Variants in RWDD2B observed in about 807,000 individuals in gnomAD.
RWDD2B encodes the protein RWD domain-containing protein 2B.
In RWDD2B, 36 loss-of-function variants were observed where a neutral mutation model predicts 33.6. That is an observed-to-expected ratio of 1.07 (90% confidence interval 0.82 to 1.42). RWDD2B has a LOEUF of 1.42. Ranked by LOEUF, RWDD2B falls within the 40% of genes most tolerant of loss-of-function variation. The pLI is 0.00. For missense variants in RWDD2B, 364 were observed against 377.5 expected, an observed-to-expected ratio of 0.96 and a Z score of 0.30; for synonymous variants, 126 against 133.1, an observed-to-expected ratio of 0.95 and a Z score of 0.37.
At chr21:29,011,906 C>A (rs8128005) in intron 1 of RWDD2B, among the ~76,000 whole-genome samples, 8,611 of 93,682 alleles carry the variant, frequency 0.092, 1,337 homozygotes, top group African/African-American at 0.2. Flanking sequence ...GGGTCAGCCC[C>A]CCGCCTGGCC....
intron 1 of RWDD2B, among the ~76,000 whole-genome samples, chr21:29,011,589 G>T (rs1326189800): frequency 2.1e-4 from 29 of 136,678 alleles, no homozygotes; most frequent in Middle Eastern, 4.0e-3. Context: ...GAGGGAGGTG[G>T]GGGGGGTCAG....
intron 1 of RWDD2B, among the ~76,000 whole-genome samples, chr21:29,013,862 G>A (rs1289013672): frequency 6.6e-6 from 1 of 151,970 alleles, no homozygotes; most frequent in Non-Finnish European, 1.5e-5. Context: ...CTTAAGGTTT[G>A]GTTGAGGACA....
intron 1 of RWDD2B, among the ~76,000 whole-genome samples, chr21:29,017,389 A>G (rs1349673942): frequency 6.6e-6 from 1 of 151,876 alleles, no homozygotes; most frequent in East Asian, 2.0e-4. Context: ...AGGTGGGCGG[A>G]TCACCTAAGG....
In RWDD2B at chr21:29,007,272, A is replaced by G. The variant is rs140403385; in HGVS notation, c.725+489T>C. Among the ~76,000 whole-genome samples the G allele has an allele frequency of 5.9e-5, 9 of 152,358 alleles. No individual in the cohort carries two copies. In the East Asian group the frequency reaches 1.7e-3, roughly 29 times the overall value. ...AGTGCATATTTACAGAATGTCTCCT[A>G]CATGCACTTGTCAGGTGACGGGGAA... On this transcript the variant is annotated intron_variant, in intron 4 of 4. Coordinates refer to ENST00000493196, the MANE Select transcript of RWDD2B (RefSeq NM_016940.3).
intron 1 of RWDD2B, among the ~76,000 whole-genome samples, chr21:29,015,712 G>A (rs917680570): frequency 1.3e-5 from 2 of 152,002 alleles, no homozygotes; most frequent in Admixed American, 6.6e-5. Flanking sequence ...TGTATTTTTA[G>A]TAGAGAAAGG....
At chr21:29,013,120 C>T (rs528556581) in intron 1 of RWDD2B, among the ~76,000 whole-genome samples, 60 of 149,808 alleles carry the variant, frequency 4.0e-4, no homozygotes, top group Non-Finnish European at 7.5e-4. Flanking sequence ...GATTATAGCT[C>T]GTTGCAGCCT....
At chr21:29,010,282 CTTCTT>C (rs1249949309) in intron 1 of RWDD2B, among the ~76,000 whole-genome samples, 1 of 151,956 alleles carries the variant, frequency 6.6e-6, no homozygotes, top group Non-Finnish European at 1.5e-5. Flanking sequence ...CAGTCCCCTG[CTTCTT>C]TTCTTTAAAA....
chr21:29,019,329 G>A lies in RWDD2B; in HGVS notation c.-52C>T, dbSNP rs1405175762. 7.7e-6 allele frequency: 10 copies of A among 1,302,154 alleles called. 1 individual carries two copies. The highest frequency in any genetic ancestry group is 1.6e-5 in the African/African-American group (1 of 62,486). The allele number at this position is 1,302,154 out of a possible 1,614,324, so 80.7% of individuals were successfully genotyped here. A position where few individuals can be genotyped will look rare whatever the true frequency, so the allele number is the denominator to read the frequency against. On this transcript the variant is annotated 5_prime_UTR_variant, in exon 1 of 5. Transcript: ENST00000493196. ...TACTGCGACCCAAAACTTACAAACC[G>A]CCTCAGCTGGCGACCTACCGGAAAA... is the stretch of plus-strand genomic sequence containing the variant.
In RWDD2B at chr21:29,006,327, T is replaced by A. The variant is rs1478853773; in HGVS notation, c.*90A>T. ...ACTCCCCAACATTCTAGAATGGAAC[T>A]AAAATAAAATTACTTAATCTTTCAA... On this transcript the variant is annotated 3_prime_UTR_variant, in exon 5 of 5. Transcript: ENST00000493196. 3.7e-6 allele frequency: 3 copies of A among 814,030 alleles called. No homozygotes were observed. The highest frequency in any genetic ancestry group is 5.8e-6 in the Non-Finnish European group (3 of 519,700). The allele number at this position is 814,030 out of a possible 1,614,324, so 50.4% of individuals were successfully genotyped here.
In RWDD2B at chr21:29,008,291, G is replaced by A. The variant is rs2084839302; in HGVS notation, c.311C>T (p.Ala104Val). ...CGGGTATTTAAAGGGAAGAATACAG[G>A]CCAGAGAAAACATCGCCTGATTAAA... Reference protein sequence around the residue: ...SDEKMAMFSLACILPFKYPAV... With the variant: ...SDEKMAMFSLVCILPFKYPAV... Residue 104 changes from alanine to valine, a missense_variant, in exon 3 of 5, where the codon GCC (alanine) becomes GTC (valine). Transcript: ENST00000493196. 4 of 1,614,146 alleles carry A rather than the reference G, an allele frequency of 2.5e-6. No individual in the cohort carries two copies. Among genetic ancestry groups the A allele is most frequent in the Non-Finnish European group, 3.4e-6 (4 of 1,179,990 alleles).
At position 29,019,314 on chromosome 21, in the gene RWDD2B, C is replaced by T; in HGVS notation, c.-37G>A. On this transcript the variant is annotated 5_prime_UTR_variant, in exon 1 of 5. Transcript: ENST00000493196. The stretch of plus-strand genomic sequence containing the variant: ...CTCAAAATTCTAGCATACTGCGACC[C>T]AAAACTTACAAACCGCCTCAGCTGG... 1 of 1,480,790 alleles carries T rather than the reference C, an allele frequency of 6.8e-7. No homozygotes were observed. Among genetic ancestry groups the T allele is most frequent in the African/African-American group, 1.4e-5 (1 of 71,998 alleles). The allele number at this position is 1,480,790 out of a possible 1,614,324, so 91.7% of individuals were successfully genotyped here.
At chr21:29,016,295 G>A (rs774561534) in intron 1 of RWDD2B, among the ~76,000 whole-genome samples, 14 of 150,796 alleles carry the variant, frequency 9.3e-5, no homozygotes, top group Non-Finnish European at 1.8e-4. Flanking sequence ...ACGGAGTTTC[G>A]CTCTTGTTGC....
At chr21:29,018,628 G>A (rs997076784) in intron 1 of RWDD2B, among the ~76,000 whole-genome samples, 7 of 152,178 alleles carry the variant, frequency 4.6e-5, no homozygotes, top group Non-Finnish European at 5.9e-5. Flanking sequence ...TTTCGCTTAA[G>A]AGATTTCAGT....
At chr21:29,015,276 G>C (rs144340025) in intron 1 of RWDD2B, among the ~76,000 whole-genome samples, 4,967 of 130,190 alleles carry the variant, frequency 0.038, 111 homozygotes, top group Middle Eastern at 0.13. Context: ...TGTCACCCAG[G>C]CTGGAGTACA....
chr21:29,012,179 C>CA (rs1555851474), intron 1 of RWDD2B, among the ~76,000 whole-genome samples: 9 of 146,306 alleles, frequency 6.2e-5, no homozygotes, highest in African/African-American at 2.1e-4. Context: ...GGTGGTCAGC[C>CA]CCCCCCCGGG....
In RWDD2B at chr21:29,006,635, A is replaced by G; in HGVS notation, c.742T>C (p.Trp248Arg). ...CGATGGCGAATTAAAATTCTCTTCC[A>G]GTTTAATTTTCTGAGTCTGAAAAGA... ...EFWSRLRKLN[W>R]KRILIRHRED... Residue 248 changes from tryptophan (W) to arginine (R), a missense_variant, in exon 5 of 5, where the codon TGG becomes CGG. Transcript: ENST00000493196. The G allele has an allele frequency of 6.2e-7, 1 of 1,602,538 alleles. No homozygotes were observed. The highest frequency in any genetic ancestry group is 8.5e-7 in the Non-Finnish European group (1 of 1,173,534).
chr21:29,013,158 T>C (rs746324678), intron 1 of RWDD2B, among the ~76,000 whole-genome samples: 3 of 151,822 alleles, frequency 2.0e-5, no homozygotes, highest in Admixed American at 2.0e-4. Flanking sequence ...GCAATCCTCC[T>C]GTCTCAGCCT....
Position 29,008,418 on chromosome 21 carries a change from G to A in RWDD2B, c.271C>T (p.Leu91=), listed in dbSNP as rs145032295. 43 of 1,614,132 alleles carry A rather than the reference G, an allele frequency of 2.7e-5. No homozygotes were observed. In the African/African-American group the frequency reaches 4.3e-4, roughly 16 times the overall value. Reference sequence around the variant, plus strand: ...ACCATTTTTTCGTCAGATACATCCAGGTTCATATTGATAGTAAAGTAGACT... The same window carrying A: ...ACCATTTTTTCGTCAGATACATCCAAGTTCATATTGATAGTAAAGTAGACT... ...SKVYFTINMN[L]DVSDEKMAMF... Residue 91 remains leucine, a synonymous_variant, in exon 2 of 5, where the codon CTG becomes TTG. Transcript: ENST00000493196.
Position 29,005,590 on chromosome 21 carries a change from TAGCC to T in RWDD2B, c.*823_*826del, listed in dbSNP as rs1191310493. ...TGTCTCTACTAAAAAACACAAAAATTAGCCAGGCATGGTGGCGGGCGCCTGTAAT... is the reference window on the plus strand; with the variant it reads ...TGTCTCTACTAAAAAACACAAAAATTAGGCATGGTGGCGGGCGCCTGTAAT... On this transcript the variant is annotated 3_prime_UTR_variant, in exon 5 of 5. Transcript: ENST00000493196. 2.0e-5 allele frequency: 3 copies of T among 152,038 alleles called. No individual in the cohort carries two copies. The highest frequency in any genetic ancestry group is 4.4e-5 in the Non-Finnish European group (3 of 68,042). 9.4% of individuals were successfully genotyped at this position (152,038 alleles called of 1,614,324 possible). A position where few individuals can be genotyped will look rare whatever the true frequency, so the allele number is the denominator to read the frequency against.
Sources: gnomAD v4.1 joint callset for allele counts (sites outside exome capture counted in the v4.1 genomes callset) on GRCh38, gnomAD v4.1.1 for gene constraint, MANE v1.5 for transcripts, NCBI Gene and HGNC (gene_info 2026-07-23, HGNC 2026-07-21) for gene names.